NELL2: variants seen among roughly 807,000 people sequenced by gnomAD.
NELL2 encodes the protein protein kinase C-binding protein NELL2.
A neutral mutation model predicts 109.6 loss-of-function variants in NELL2; 41 were observed. The ratio of observed to expected loss-of-function variants is 0.37; its 90% CI spans 0.29 to 0.49. NELL2 has a LOEUF of 0.49. NELL2 is among the 20% of genes least tolerant of loss of function. The pLI, the probability that NELL2 is intolerant of heterozygous loss-of-function variation, is 0.98. For synonymous variants in NELL2, 355 were observed against 344.7 expected (o/e 1.03, Z -0.33); for missense variants, 900 against 1,008.3 (o/e 0.89, Z 1.45).
chr12:44,604,645 G>A (rs1945331737), intron 15 of NELL2, among the ~76,000 whole-genome samples: 1 of 152,134 alleles, frequency 6.6e-6, no homozygotes, highest in Non-Finnish European at 1.5e-5. Flanking sequence ...TCACTGCCTG[G>A]GGGTGGGAAT....
upstream of NELL2, among the ~76,000 whole-genome samples, chr12:44,918,705 C>T (rs1300887123): frequency 6.6e-6 from 1 of 152,192 alleles, no homozygotes; most frequent in East Asian, 1.9e-4. Flanking sequence ...CCCTTGCTCA[C>T]TGATGGTTTT....
intron 15 of NELL2, among the ~76,000 whole-genome samples, chr12:44,579,249 C>G (rs1047350543): frequency 6.6e-6 from 1 of 152,144 alleles, no homozygotes; most frequent in African/African-American, 2.4e-5. Flanking sequence ...TGTAAAAAAT[C>G]AGAGTTTGGA....
At chr12:44,906,410 A>G (rs1343389065) in intron 1 of NELL2, among the ~76,000 whole-genome samples, 2 of 152,108 alleles carry the variant, frequency 1.3e-5, no homozygotes, top group Admixed American at 1.3e-4. Flanking sequence ...AAAACTCTTA[A>G]TTCTGGCTGA....
At position 44,520,056 on chromosome 12, in the gene NELL2, G is replaced by A. The variant is rs375454779; in HGVS notation, c.2349C>T (p.Thr783=). Reference sequence around the variant, plus strand: ...TGCCATGTTTGATCCAAGAGGACCCGGTGAAGCGAACCACATTCATTTCGT... The same window carrying A: ...TGCCATGTTTGATCCAAGAGGACCCAGTGAAGCGAACCACATTCATTTCGT... ...CLDEMNVVRF[T]GSSWIKHGTE... Residue 783 remains threonine (T), a synonymous_variant, in exon 19 of 20, where the codon ACC becomes ACT. Transcript: ENST00000429094. 1.6e-5 allele frequency: 26 copies of A among 1,614,002 alleles called. No homozygotes were observed. The highest frequency in any genetic ancestry group is 6.7e-5 in the African/African-American group (5 of 74,890).
chr12:44,761,705 G>T (rs1033040085), intron 9 of NELL2, among the ~76,000 whole-genome samples: 10 of 152,256 alleles, frequency 6.6e-5, no homozygotes, highest in South Asian at 2.1e-4. Context: ...CTGTAAAAAA[G>T]AATGAAATCA....
intron 9 of NELL2, among the ~76,000 whole-genome samples, chr12:44,728,600 A>T (rs1010639900): frequency 2.6e-5 from 4 of 152,164 alleles, no homozygotes; most frequent in Admixed American, 6.5e-5. Context: ...CCAAATCTGG[A>T]AAGGAAATGT....
intron 12 of NELL2, among the ~76,000 whole-genome samples, chr12:44,691,532 T>C (rs567829573): frequency 2.0e-5 from 3 of 151,970 alleles, no homozygotes; most frequent in Admixed American, 1.3e-4. Flanking sequence ...GTGAGAAGAG[T>C]TGCACGTCTC....
intron 15 of NELL2, among the ~76,000 whole-genome samples, chr12:44,561,725 G>C (rs1163394905): frequency 6.6e-6 from 1 of 152,168 alleles, no homozygotes; most frequent in Non-Finnish European, 1.5e-5. Flanking sequence ...AATCAATATA[G>C]TGAAAATGGC....
chr12:44,560,072 T>C (rs1943410732), intron 15 of NELL2, among the ~76,000 whole-genome samples: 1 of 151,970 alleles, frequency 6.6e-6, no homozygotes, highest in Non-Finnish European at 1.5e-5. Flanking sequence ...TGCTCCAGAG[T>C]GACTACTGGG....
At chr12:44,600,045 C>T (rs867886060) in intron 15 of NELL2, among the ~76,000 whole-genome samples, 14 of 150,334 alleles carry the variant, frequency 9.3e-5, no homozygotes, top group Admixed American at 8.6e-4. Context: ...CACTGCAAGC[C>T]CCGCCTCCCC....
intron 1 of NELL2, among the ~76,000 whole-genome samples, chr12:44,920,142 C>T (rs570982107): frequency 2.1e-4 from 32 of 151,956 alleles, no homozygotes; most frequent in African/African-American, 5.5e-4. Flanking sequence ...AATGAGAAAA[C>T]AGAAAATAGG....
At chr12:44,669,858 C>A (rs1393019554) in intron 12 of NELL2, among the ~76,000 whole-genome samples, 1 of 152,150 alleles carries the variant, frequency 6.6e-6, no homozygotes, top group African/African-American at 2.4e-5. Context: ...CAAACAACAG[C>A]TGAAAGATTC....
At chr12:44,741,445 AGACAGTGGGTGCAG>A (rs1231958515) in intron 9 of NELL2, among the ~76,000 whole-genome samples, 2 of 152,166 alleles carry the variant, frequency 1.3e-5, no homozygotes, top group African/African-American at 4.8e-5. Context: ...GGGGAGTGCC[AGACAGTGGGTGCAG>A]GACAGTGGGT....
intron 2 of NELL2, among the ~76,000 whole-genome samples, chr12:44,864,373 T>TA (rs1003472395): frequency 3.3e-5 from 5 of 150,948 alleles, no homozygotes; most frequent in East Asian, 1.9e-4. Context: ...AGTGAAGGAA[T>TA]AAAAAAAAAT....
Position 44,696,598 on chromosome 12 carries a change from C to T in NELL2, c.1318+7128G>A, listed in dbSNP as rs147320249. Reference sequence around the variant, plus strand: ...GCACTATTCAGAATAATTTTTAAAGCCCAATAGAAATCAATTTAAAACTCA... The same window carrying T: ...GCACTATTCAGAATAATTTTTAAAGTCCAATAGAAATCAATTTAAAACTCA... On this transcript the variant is annotated intron_variant, in intron 12 of 19. Transcript: ENST00000429094. Among the ~76,000 whole-genome samples, 416 of 152,160 alleles carry T rather than the reference C, an allele frequency of 2.7e-3. 10 individuals carry two copies. Among genetic ancestry groups the T allele is most frequent in the Admixed American group, 0.024 (364 of 15,284 alleles).
At chr12:44,538,889 G>GGT (rs1942415462) in intron 15 of NELL2, among the ~76,000 whole-genome samples, 1 of 152,114 alleles carries the variant, frequency 6.6e-6, no homozygotes, top group African/African-American at 2.4e-5. Context: ...GGTTACTAGA[G>GGT]TCTTAGTATT....
At chr12:44,709,450 G>A (rs2136431648) in intron 11 of NELL2, among the ~76,000 whole-genome samples, 2 of 152,216 alleles carry the variant, frequency 1.3e-5, no homozygotes, top group East Asian at 1.9e-4. Flanking sequence ...AGGCCATCTT[G>A]AACCTCTCAG....
At chr12:44,693,394 T>G (rs571274695) in intron 12 of NELL2, among the ~76,000 whole-genome samples, 1 of 152,318 alleles carries the variant, frequency 6.6e-6, no homozygotes, top group Non-Finnish European at 1.5e-5. Flanking sequence ...ATGACTTGCT[T>G]TATTGCAATA....
At chr12:44,781,505 A>C (rs1229020719) in intron 3 of NELL2, among the ~76,000 whole-genome samples, 1 of 152,124 alleles carries the variant, frequency 6.6e-6, no homozygotes, top group Admixed American at 6.6e-5. Flanking sequence ...CACCTCCCAA[A>C]TTTGGCAAGA....
Sources: allele counts gnomAD v4.1 joint callset (sites outside exome capture counted in the v4.1 genomes callset), GRCh38; gene constraint gnomAD v4.1.1; transcripts MANE v1.5; gene names NCBI Gene and HGNC (gene_info 2026-07-23, HGNC 2026-07-21).